TEX2: variants seen among roughly 807,000 people sequenced by gnomAD.
TEX2 encodes the protein testis expressed 2, also known as testis-expressed protein 2.
Under a neutral mutation model 106.9 loss-of-function variants are expected in TEX2, and 53 were observed. The observed-to-expected ratio is 0.50, with a 90% CI of 0.40 to 0.62. The LOEUF (loss-of-function observed/expected upper bound fraction) is 0.62, where lower values mean the gene tolerates loss of function less well. TEX2 is among the 20% of genes least tolerant of loss of function. The pLI, the probability that TEX2 is intolerant of heterozygous loss-of-function variation, is 0.00. For missense variants in TEX2, 1,207 were observed against 1,379.0 expected (o/e 0.88, Z 1.98); for synonymous variants, 523 against 534.8 (o/e 0.98, Z 0.30).
At chr17:64,196,350 G>C (rs1555629291) in intron 2 of TEX2, among the ~76,000 whole-genome samples, 1 of 152,206 alleles carries the variant, frequency 6.6e-6, no homozygotes. Flanking sequence ...GTCACAAACA[G>C]AGCACCTAAG....
chr17:64,216,969 C>T (rs550131665), intron 1 of TEX2, among the ~76,000 whole-genome samples: 78 of 152,250 alleles, frequency 5.1e-4, no homozygotes, highest in Admixed American at 1.2e-3. Flanking sequence ...CAGTAAATGC[C>T]CCCAAACCCA....
At chr17:64,254,349 G>T (rs1250881256) in intron 1 of TEX2, among the ~76,000 whole-genome samples, 1 of 152,204 alleles carries the variant, frequency 6.6e-6, no homozygotes, top group Non-Finnish European at 1.5e-5. Context: ...TGTGCCCTTT[G>T]ATTTGTTGCC....
At chr17:64,176,250 C>T (rs1567918779) in intron 6 of TEX2, among the ~76,000 whole-genome samples, 1 of 152,176 alleles carries the variant, frequency 6.6e-6, no homozygotes, top group Non-Finnish European at 1.5e-5. Context: ...CAGAGCTTGA[C>T]AAGGCCAGGA....
chr17:64,245,123 A>G (rs1166081184), intron 1 of TEX2, among the ~76,000 whole-genome samples: 1 of 152,324 alleles, frequency 6.6e-6, no homozygotes, highest in African/African-American at 2.4e-5. Flanking sequence ...AAAAGGTACC[A>G]GTCTATTTGG....
At chr17:64,236,888 C>A (rs963162509) in intron 1 of TEX2, among the ~76,000 whole-genome samples, 4 of 152,074 alleles carry the variant, frequency 2.6e-5, no homozygotes, top group Admixed American at 2.6e-4. Flanking sequence ...GACAGTTGGA[C>A]ACGTGGAATT....
At chr17:64,162,564 A>G (rs965499626) in intron 7 of TEX2, among the ~76,000 whole-genome samples, 1 of 152,220 alleles carries the variant, frequency 6.6e-6, no homozygotes, top group Non-Finnish European at 1.5e-5. Flanking sequence ...TACAAAATGG[A>G]AAGTTTTGCT....
intron 1 of TEX2, among the ~76,000 whole-genome samples, chr17:64,244,200 C>T (rs1441370742): frequency 2.0e-5 from 3 of 152,138 alleles, no homozygotes; most frequent in Non-Finnish European, 4.4e-5. Flanking sequence ...AGATTTCTGT[C>T]AAGCTGGGAG....
chr17:64,231,207 T>C (rs2033646874), intron 1 of TEX2, among the ~76,000 whole-genome samples: 1 of 152,210 alleles, frequency 6.6e-6, no homozygotes, highest in East Asian at 1.9e-4. Flanking sequence ...AAGGTGACTG[T>C]GAGGCTGCTC....
chr17:64,183,053 G>A (rs1360223185), intron 5 of TEX2, among the ~76,000 whole-genome samples: 3 of 151,928 alleles, frequency 2.0e-5, no homozygotes, highest in African/African-American at 4.8e-5. Context: ...CTACAGGCGT[G>A]CACTACTACG....
intron 6 of TEX2, among the ~76,000 whole-genome samples, chr17:64,173,138 C>T (rs1342963289): frequency 6.6e-6 from 1 of 152,200 alleles, no homozygotes; most frequent in African/African-American, 2.4e-5. Flanking sequence ...TAAATTCCCA[C>T]TGCACTGGAG....
rs139358972 is a variant in TEX2, at chr17:64,213,687, G to C, written c.531C>G (p.Ala177=). ...TTGCACTGGAAAGGGTGGAGGTTGA[G>C]GCACTGGATGAGAGGATGGGAGACT... ...PSKSPILSSS[A]STSTLSSAKP... Residue 177 remains alanine, a synonymous_variant, in exon 2 of 12, where the codon GCC becomes GCG. Coordinates refer to ENST00000584379, the MANE Select transcript of TEX2 (RefSeq NM_001288732.2). The surrounding 1 kb of genome is among the most constrained non-coding windows in gnomAD (Gnocchi z 4.4). 52 of 1,614,032 alleles carry C rather than the reference G, an allele frequency of 3.2e-5. No individual in the cohort carries two copies. The highest frequency in any genetic ancestry group is 4.4e-5 in the Non-Finnish European group (52 of 1,180,034).
intron 8 of TEX2, among the ~76,000 whole-genome samples, chr17:64,157,747 C>T (rs1020641073): frequency 6.6e-6 from 1 of 152,252 alleles, no homozygotes; most frequent in African/African-American, 2.4e-5. Flanking sequence ...GTGTAAACTG[C>T]AGGCACTCAG....
At chr17:64,158,992 C>T (rs940462164) in intron 8 of TEX2, among the ~76,000 whole-genome samples, 10 of 152,260 alleles carry the variant, frequency 6.6e-5, no homozygotes, top group African/African-American at 2.4e-4. Context: ...AAATATAATA[C>T]CATCACATTC....
chr17:64,180,846 G>A (rs929256948), intron 5 of TEX2, among the ~76,000 whole-genome samples: 6 of 152,142 alleles, frequency 3.9e-5, no homozygotes, highest in Non-Finnish European at 7.3e-5. Flanking sequence ...TGAAGTCTGT[G>A]GTGTAACATT....
chr17:64,190,805 C>A (rs993273392), intron 4 of TEX2, among the ~76,000 whole-genome samples: 1 of 152,212 alleles, frequency 6.6e-6, no homozygotes, highest in African/African-American at 2.4e-5. Context: ...TCAGAACCTG[C>A]ATCTTAAGAT....
At chr17:64,230,275 C>A (rs896080129) in intron 1 of TEX2, among the ~76,000 whole-genome samples, 1 of 152,088 alleles carries the variant, frequency 6.6e-6, no homozygotes, top group Non-Finnish European at 1.5e-5. Context: ...GGGGACCTGA[C>A]AAGGTGCCCC....
chr17:64,155,187 C>T, intron 8 of TEX2: 1 of 442,766 alleles, frequency 2.3e-6, no homozygotes, highest in Non-Finnish European at 3.7e-6. Context: ...AGCACCAAGG[C>T]CTCTGACAGG....
chr17:64,154,309 A>G lies in TEX2; in HGVS notation c.2930+533T>C, dbSNP rs931520259. On this transcript the variant is annotated intron_variant, in intron 9 of 11. Transcript: ENST00000584379. ...ATGTAATTAAAAGATCATTGTGGAT[A>G]GGCTATTTAAGCACTTTGATCATTT... 2.6e-5 allele frequency among the ~76,000 whole-genome samples: 4 copies of G among 152,048 alleles called. No individual in the cohort carries two copies. In the East Asian group the frequency reaches 7.7e-4, roughly 29 times the overall value.
intron 1 of TEX2, among the ~76,000 whole-genome samples, chr17:64,255,394 A>G (rs2034165907): frequency 6.6e-6 from 1 of 152,132 alleles, no homozygotes; most frequent in Admixed American, 6.6e-5. Context: ...TAGAATATCT[A>G]CCAAATGATT....
Sources: allele counts gnomAD v4.1 joint callset (sites outside exome capture counted in the v4.1 genomes callset), GRCh38; gene constraint gnomAD v4.1.1; non-coding constraint Gnocchi (gnomAD v3.1); transcripts MANE v1.5; gene names NCBI Gene and HGNC (gene_info 2026-07-23, HGNC 2026-07-21).